Variants in DACT3 observed in about 807,000 individuals in gnomAD.
DACT3 encodes dishevelled binding antagonist of beta catenin 3.
A neutral mutation model predicts 19.6 loss-of-function variants in DACT3; 5 were observed. The observed-to-expected ratio is 0.26, with a 90% CI of 0.13 to 0.54. The LOEUF is 0.54. Ranked by LOEUF, DACT3 falls within the 20% of genes least tolerant of loss-of-function variation. The pLI is 0.95. For synonymous variants in DACT3, 454 were observed against 428.1 expected (o/e 1.06, Z -0.75); for missense variants, 908 against 927.4 (o/e 0.98, Z 0.27).
Position 46,649,866 on chromosome 19 carries a change from G to T in DACT3, c.506C>A (p.Ala169Asp). 7.2e-7 allele frequency: 1 copy of T among 1,391,046 alleles called. No homozygotes were observed. The highest frequency in any genetic ancestry group is 9.3e-7 in the Non-Finnish European group (1 of 1,079,430). The allele number at this position is 1,391,046 out of a possible 1,614,324, so 86.2% of individuals were successfully genotyped here. A position where few individuals can be genotyped will look rare whatever the true frequency, so the allele number is the denominator to read the frequency against. ...ASERPKSLGD[A>D]SPSAPEVVGA... ...CACCACCTCCGGAGCGCTGGGACTG[G>T]CGTCTCCTAGGGAAGGAAGGCCAAA... is the stretch of plus-strand genomic sequence containing the variant. Residue 169 changes from alanine to aspartate, a missense_variant, in exon 4 of 4, where the codon GCC becomes GAC. By Grantham distance (126) the Ala-to-Asp change is moderately radical (BLOSUM62 -2). Transcript: ENST00000391916.
At chr19:46,655,144 C>A (rs753003044) in intron 1 of DACT3, 389 of 729,108 alleles carry the variant, frequency 5.3e-4, no homozygotes, top group Non-Finnish European at 6.1e-4. Flanking sequence ...TCGAACATAC[C>A]ATGTATGCGC....
At chr19:46,651,644 TTGTGTGTGTGTGTGTGTGTG>T (rs10600060) in intron 3 of DACT3, 9 of 134,734 alleles carry the variant, frequency 6.7e-5, no homozygotes, top group South Asian at 2.5e-4. Flanking sequence ...CAGGCACTGT[TTGTGTGTGTGTGTGTGTGTG>T]TGTGTGTGTG....
At chr19:46,653,523 GTT>G (rs1229900904) in intron 1 of DACT3, among the ~76,000 whole-genome samples, 1 of 103,714 alleles carries the variant, frequency 9.6e-6, no homozygotes, top group Non-Finnish European at 2.1e-5. Context: ...TCTTCTCCAA[GTT>G]TTTCTTTTTT....
At chr19:46,653,190 A>G in intron 1 of DACT3, 115 bp from the exon 2 acceptor site, 1 of 1,443,010 alleles carries the variant, frequency 6.9e-7, no homozygotes, top group South Asian at 1.4e-5. Flanking sequence ...CTCTCGCTTC[A>G]AAGGATAAAA....
chr19:46,649,012 G>A lies in DACT3; in HGVS notation c.1360C>T (p.Pro454Ser), dbSNP rs2052949699. The A allele has an allele frequency of 7.9e-7, 1 of 1,269,424 alleles. No homozygotes were observed. The highest frequency in any genetic ancestry group is 9.9e-7 in the Non-Finnish European group (1 of 1,009,402). 78.6% of individuals were successfully genotyped at this position (1,269,424 alleles called of 1,614,324 possible). A position where few individuals can be genotyped will look rare whatever the true frequency, so the allele number is the denominator to read the frequency against. ...YPTAEREEPR[P>S]PRPRRGPAPT... is the part of the protein sequence containing the mutation. ...GCTGGGCCGCGGCGTGGCCGTGGAG[G>A]CCGAGGCTCTTCCCGCTCCGCCGTG... The change falls in exon 4 of 4, where the codon CCT becomes TCT. Residue 454 changes from proline to serine, a missense_variant. Pro to Ser is a moderately conservative substitution (Grantham distance 74, BLOSUM62 -1). Coordinates refer to ENST00000391916, the MANE Select transcript of DACT3 (RefSeq NM_145056.3).
At chr19:46,657,775 G>A (rs2053043896) in intron 1 of DACT3, among the ~76,000 whole-genome samples, 1 of 152,010 alleles carries the variant, frequency 6.6e-6, no homozygotes, top group South Asian at 2.1e-4. Context: ...TAGGTGTCGG[G>A]CGCAGTGGCT....
chr19:46,648,970 G>C lies in DACT3; in HGVS notation c.1402C>G (p.Gln468Glu), dbSNP rs760971337. Residue 468 changes from glutamine to glutamate, a missense_variant, in exon 4 of 4, where the codon CAG becomes GAG. This residue lies in a region of DACT3 where 656 missense variants were observed against 601.8 expected (regional missense o/e 1.09). Transcript: ENST00000391916. The surrounding 1 kb of genome is among the most constrained non-coding windows in gnomAD (Gnocchi z 5.1). ...RRGPAPTLAA[Q>E]AAGSCRRWRS... ...CAGCGACGGCAGGACCCTGCGGCCT[G>C]GGCCGCCAGCGTGGGCGCTGGGCCG... 36 of 1,293,812 alleles carry C rather than the reference G, an allele frequency of 2.8e-5. No individual in the cohort carries two copies. The highest frequency in any genetic ancestry group is 3.4e-5 in the Non-Finnish European group (35 of 1,023,866). 80.1% of individuals were successfully genotyped at this position (1,293,812 alleles called of 1,614,324 possible).
Position 46,648,830 on chromosome 19 carries a change from A to C in DACT3, c.1542T>G (p.Leu514=), listed in dbSNP as rs58806479. ...PSPSAPQRRL[L]YGCAGSDSEC... Reference sequence around the variant, plus strand: ...CGGAGTCGCTGCCCGCGCAGCCGTAAAGCAGACGACGCTGGGGAGCTGACG... The same window carrying C: ...CGGAGTCGCTGCCCGCGCAGCCGTACAGCAGACGACGCTGGGGAGCTGACG... Residue 514 remains leucine (L), a synonymous_variant, in exon 4 of 4, where the codon CTT becomes CTG. Transcript: ENST00000391916. The surrounding 1 kb of genome is among the most constrained non-coding windows in gnomAD (Gnocchi z 5.1). 6.6e-7 allele frequency: 1 copy of C among 1,510,866 alleles called. No homozygotes were observed. Among genetic ancestry groups the C allele is most frequent in the African/African-American group, 1.4e-5 (1 of 71,256 alleles). 93.6% of individuals were successfully genotyped at this position (1,510,866 alleles called of 1,614,324 possible). A position where few individuals can be genotyped will look rare whatever the true frequency, so the allele number is the denominator to read the frequency against.
intron 1 of DACT3, among the ~76,000 whole-genome samples, chr19:46,657,286 T>C (rs989391357): frequency 6.6e-6 from 1 of 151,796 alleles, no homozygotes; most frequent in African/African-American, 2.4e-5. Context: ...TTTCCTTATC[T>C]ATAACTGGGC....
chr19:46,649,133 G>A lies in DACT3; in HGVS notation c.1239C>T (p.Arg413=). Residue 413 remains arginine, a synonymous_variant, in exon 4 of 4, where the codon CGC becomes CGT. Coordinates refer to ENST00000391916, the MANE Select transcript of DACT3 (RefSeq NM_145056.3). The part of the protein sequence containing the change: ...RGRMAEASGR[R]GSPRARKASR... ...AGGCCTTGCGGGCCCTGGGCGAGCC[G>A]CGGCGGCCCGAAGCCTCGGCCATGC... is the stretch of plus-strand genomic sequence containing the variant. The A allele has an allele frequency of 1.6e-6, 2 of 1,267,826 alleles. No individual in the cohort carries two copies. The highest frequency in any genetic ancestry group is 2.4e-5 in the South Asian group (1 of 41,026). 78.5% of individuals were successfully genotyped at this position (1,267,826 alleles called of 1,614,324 possible).
Position 46,652,941 on chromosome 19 carries a change from G to A in DACT3, c.346+38C>T, listed in dbSNP as rs1314417555. 3.2e-6 allele frequency: 5 copies of A among 1,548,072 alleles called. No individual in the cohort carries two copies. The South Asian group carries it at 3.6e-5, about 11-fold the overall frequency. On this transcript the variant is annotated intron_variant, in intron 2 of 3. Coordinates refer to ENST00000391916, the MANE Select transcript of DACT3 (RefSeq NM_145056.3). ...AAATAGGGATACGGGGAACATGGAG[G>A]CGTCCCAGGCAAACCCTACCCCTCC...
At chr19:46,656,117 G>GGC (rs2053032619) in intron 1 of DACT3, among the ~76,000 whole-genome samples, 1 of 149,480 alleles carries the variant, frequency 6.7e-6, no homozygotes, top group Non-Finnish European at 1.5e-5. Flanking sequence ...CTGGAGTGCA[G>GGC]TGGTGCAGCC....
chr19:46,660,585 G>GTTTC lies in DACT3; in HGVS notation c.249+227_249+230dup, dbSNP rs2053067643. On this transcript the variant is annotated intron_variant, in intron 1 of 3. Transcript: ENST00000391916. The surrounding 1 kb of genome is among the most constrained non-coding windows in gnomAD (Gnocchi z 4.9). ...AAGGGGTGTAAGAGACAGGGCCTGT[G>GTTTC]TTTCTCACGAGGCCCCAGTGGGGGC... Among the ~76,000 whole-genome samples the GTTTC allele has an allele frequency of 6.6e-6, 1 of 152,048 alleles. No homozygotes were observed. Among genetic ancestry groups the GTTTC allele is most frequent in the Admixed American group, 6.5e-5 (1 of 15,286 alleles).
chr19:46,648,356 A>C lies in DACT3; in HGVS notation c.*126T>G. The C allele has an allele frequency of 6.9e-7, 1 of 1,443,082 alleles. No individual in the cohort carries two copies. The highest frequency in any genetic ancestry group is 9.4e-7 in the Non-Finnish European group (1 of 1,059,112). The allele number at this position is 1,443,082 out of a possible 1,614,324, so 89.4% of individuals were successfully genotyped here. A position where few individuals can be genotyped will look rare whatever the true frequency, so the allele number is the denominator to read the frequency against. On this transcript the variant is annotated 3_prime_UTR_variant, in exon 4 of 4. Coordinates refer to ENST00000391916, the MANE Select transcript of DACT3 (RefSeq NM_145056.3). This position sits in a 1 kb window ranked among gnomAD's most constrained non-coding sequence, Gnocchi z 5.1. ...TCAACCAAGACTGTTAGGAGTGGGG[A>C]GAGTGAGGGGGGTCTTTGGAAGCAG...
chr19:46,650,009 C>CG (rs2052967221), intron 3 of DACT3, 137 bp from the exon 4 acceptor site: 5 of 980,848 alleles, frequency 5.1e-6, no homozygotes, highest in Non-Finnish European at 6.6e-6. Flanking sequence ...AAACCCTGCT[C>CG]TCACACCTTC....
intron 3 of DACT3, chr19:46,652,285 C>T: frequency 3.8e-6 from 1 of 260,866 alleles, no homozygotes; most frequent in Non-Finnish European, 7.3e-6. Flanking sequence ...CCTCCACCTC[C>T]CAGGTTCAAG....
Position 46,649,516 on chromosome 19 carries a change from G to A in DACT3, c.856C>T (p.Arg286Cys), listed in dbSNP as rs528739876. 2.4e-4 allele frequency: 265 copies of A among 1,085,222 alleles called. No individual in the cohort carries two copies. Among genetic ancestry groups the A allele is most frequent in the Middle Eastern group, 1.6e-3 (4 of 2,454 alleles). 67.2% of individuals were successfully genotyped at this position (1,085,222 alleles called of 1,614,324 possible). Reference sequence around the variant, plus strand: ...GGAGACGCGTCGGGCGGCCGCTGGCGCACGCTGTTCTGGCGCCGCGGGCCG... The same window carrying A: ...GGAGACGCGTCGGGCGGCCGCTGGCACACGCTGTTCTGGCGCCGCGGGCCG... ...DGGPRRQNSVRQRPPDASPSP... is the reference protein window; with the variant it reads ...DGGPRRQNSVCQRPPDASPSP... Residue 286 changes from arginine to cysteine, a missense_variant, in exon 4 of 4, where the codon CGC becomes TGC. Arg to Cys is a radical substitution (Grantham distance 180). Around this residue, in one of 2 missense-constraint regions of DACT3, gnomAD observed 656 missense variants for 601.8 expected, o/e 1.09. Coordinates refer to ENST00000391916, the MANE Select transcript of DACT3 (RefSeq NM_145056.3).
chr19:46,661,133 C>G lies in DACT3; in HGVS notation c.-69G>C. 1 of 1,322,602 alleles carries G rather than the reference C, an allele frequency of 7.6e-7. No individual in the cohort carries two copies. Among genetic ancestry groups the G allele is most frequent in the Non-Finnish European group, 9.6e-7 (1 of 1,036,386 alleles). 81.9% of individuals were successfully genotyped at this position (1,322,602 alleles called of 1,614,324 possible). A position where few individuals can be genotyped will look rare whatever the true frequency, so the allele number is the denominator to read the frequency against. On this transcript the variant is annotated 5_prime_UTR_variant, in exon 1 of 4. Transcript: ENST00000391916. ...CCCTCTCCCGGTCCCACCTCCCCGCCCCAGCAGCCTGCCCGCCCGCCCGCT... is the reference window on the plus strand; with the variant it reads ...CCCTCTCCCGGTCCCACCTCCCCGCGCCAGCAGCCTGCCCGCCCGCCCGCT...
chr19:46,655,049 C>T (rs2053022699), intron 1 of DACT3: 2 of 985,410 alleles, frequency 2.0e-6, no homozygotes, highest in African/African-American at 1.7e-5. Context: ...ATCTCTCGGA[C>T]CTACCATGTA....
Sources: allele counts gnomAD v4.1 joint callset (sites outside exome capture counted in the v4.1 genomes callset), GRCh38; gene constraint gnomAD v4.1.1; regional missense constraint gnomAD v4.1.1; non-coding constraint Gnocchi (gnomAD v3.1); transcripts MANE v1.5; gene names NCBI Gene and HGNC (gene_info 2026-07-23, HGNC 2026-07-21).